The following SMAP1 variants were observed in gnomAD, a reference collection of about 807,000 sequenced individuals.
The protein encoded by SMAP1 is small ArfGAP 1.
In SMAP1, 24 loss-of-function variants were observed where a neutral mutation model predicts 58.5. That is an observed-to-expected ratio of 0.41 (90% confidence interval 0.30 to 0.58). The LOEUF (loss-of-function observed/expected upper bound fraction) is 0.58, where lower values mean the gene tolerates loss of function less well. SMAP1 is among the 20% of genes least tolerant of loss of function. SMAP1 has a pLI of 0.29. For synonymous variants in SMAP1, 216 were observed against 196.6 expected (o/e 1.10, Z -0.82); for missense variants, 563 against 566.3 (o/e 0.99, Z 0.06).
intron 1 of SMAP1, among the ~76,000 whole-genome samples, chr6:70,708,075 A>G (rs1189662993): frequency 6.6e-6 from 1 of 152,112 alleles, no homozygotes; most frequent in East Asian, 1.9e-4. Context: ...AGACTTAGCA[A>G]TCTTACATAG....
chr6:70,784,536 G>A (rs563422523), intron 4 of SMAP1, among the ~76,000 whole-genome samples: 1 of 152,270 alleles, frequency 6.6e-6, no homozygotes, highest in African/African-American at 2.4e-5. Context: ...AGACCCATCA[G>A]TGTGCTGTAT....
Position 70,858,153 on chromosome 6 carries a change from T to C in SMAP1, c.1193T>C (p.Met398Thr). 6.2e-7 allele frequency: 1 copy of C among 1,614,018 alleles called. No individual in the cohort carries two copies. The highest frequency in any genetic ancestry group is 8.5e-7 in the Non-Finnish European group (1 of 1,179,982). ...AACGTTGTTGGCCCCCAAGGAGGAA[T>C]GGTGGGACAAATGGGTGCACCCCAG... ...PQNVVGPQGG[M>T]VGQMGAPQSK... The change falls in exon 10 of 11, where the codon ATG (methionine) becomes ACG (threonine). Residue 398 changes from methionine (M) to threonine (T), a missense_variant. Coordinates refer to ENST00000370455, the MANE Select transcript of SMAP1 (RefSeq NM_001044305.3).
chr6:70,768,009 C>T (rs1443880374), intron 3 of SMAP1, among the ~76,000 whole-genome samples: 1 of 150,900 alleles, frequency 6.6e-6, no homozygotes, highest in Non-Finnish European at 1.5e-5. Context: ...TTGAGATAAT[C>T]ATGTGGTTTT....
At chr6:70,724,139 G>A (rs1344264013) in intron 1 of SMAP1, among the ~76,000 whole-genome samples, 1 of 149,356 alleles carries the variant, frequency 6.7e-6, no homozygotes, top group African/African-American at 2.5e-5. Context: ...GGGTATTTAA[G>A]GTTTTTTTTT....
At chr6:70,758,398 A>T (rs1436537609) in intron 3 of SMAP1, among the ~76,000 whole-genome samples, 1 of 146,802 alleles carries the variant, frequency 6.8e-6, no homozygotes, top group South Asian at 2.3e-4. Flanking sequence ...GAGGGATAGC[A>T]TTGGGAGATA....
intron 1 of SMAP1, among the ~76,000 whole-genome samples, chr6:70,729,454 G>T (rs7451542): frequency 1.7e-5 from 1 of 59,370 alleles, no homozygotes; most frequent in Non-Finnish European, 3.9e-5. Context: ...AAAAAAAAAA[G>T]AAGGTTGTGT....
intron 2 of SMAP1, among the ~76,000 whole-genome samples, chr6:70,739,798 C>T (rs965114293): frequency 1.3e-5 from 2 of 151,588 alleles, no homozygotes; most frequent in Non-Finnish European, 2.9e-5. Context: ...CATTTTTTTC[C>T]GTCTGCCTTT....
chr6:70,729,458 GTTGT>G (rs1392342290), intron 1 of SMAP1, among the ~76,000 whole-genome samples: 2 of 35,412 alleles, frequency 5.6e-5, no homozygotes, highest in African/African-American at 1.7e-4. Flanking sequence ...AAAAAAGAAG[GTTGT>G]GTGTGTGTGT....
intron 4 of SMAP1, 131 bp from the exon 5 acceptor site, chr6:70,791,558 A>G (rs1768353038): frequency 1.6e-6 from 1 of 624,464 alleles, no homozygotes; most frequent in South Asian, 2.4e-5. Context: ...GCATTGTTTT[A>G]CTTTATTAAC....
intron 5 of SMAP1, among the ~76,000 whole-genome samples, chr6:70,794,213 A>G (rs1297073571): frequency 1.3e-5 from 2 of 152,142 alleles, no homozygotes; most frequent in Non-Finnish European, 2.9e-5. Context: ...TAAAATATAA[A>G]ATACTGCAGT....
chr6:70,843,983 C>T (rs1375375815), intron 7 of SMAP1, among the ~76,000 whole-genome samples: 1 of 152,054 alleles, frequency 6.6e-6, no homozygotes, highest in African/African-American at 2.4e-5. Context: ...AGGACTCCTG[C>T]TGGGTTATTC....
intron 4 of SMAP1, among the ~76,000 whole-genome samples, chr6:70,787,014 A>C (rs1163887624): frequency 6.6e-6 from 1 of 152,196 alleles, no homozygotes; most frequent in African/African-American, 2.4e-5. Flanking sequence ...CCAAAAGAAC[A>C]AAGCTGGAGG....
rs68188898 is a variant in SMAP1 at position 70,858,287 on chromosome 6, C to CTT, written c.1269+85_1269+86dup. ...ATCAAACCAGATTTATTTTCTAAAT[C>CTT]TTTTTTTTTTTTTTTTTTTTTTTTT... On this transcript the variant is annotated intron_variant, in intron 10 of 10. Transcript: ENST00000370455. The CTT allele has an allele frequency of 5.1e-4, 149 of 290,608 alleles. 2 individuals are homozygous for CTT. The highest frequency in any genetic ancestry group is 2.1e-3 in the African/African-American group (49 of 23,082). 18.0% of individuals were successfully genotyped at this position (290,608 alleles called of 1,614,324 possible). A position where few individuals can be genotyped will look rare whatever the true frequency, so the allele number is the denominator to read the frequency against.
At chr6:70,779,218 CT>C (rs1767663495) in intron 4 of SMAP1, among the ~76,000 whole-genome samples, 1 of 152,202 alleles carries the variant, frequency 6.6e-6, no homozygotes, top group African/African-American at 2.4e-5. Flanking sequence ...GTGCCAGGGA[CT>C]TGGCTGCACT....
intron 1 of SMAP1, among the ~76,000 whole-genome samples, chr6:70,677,432 CTTTTTTTTTTTTT>C (rs58133069): frequency 1.2e-3 from 74 of 60,430 alleles, no homozygotes; most frequent in African/African-American, 5.4e-3. Flanking sequence ...CTTGTCACTT[CTTTTTTTTTTTTT>C]TTTTTTTTTT....
intron 3 of SMAP1, among the ~76,000 whole-genome samples, chr6:70,765,470 AAAC>A (rs1242149864): frequency 3.3e-5 from 5 of 152,208 alleles, no homozygotes; most frequent in African/African-American, 1.2e-4. Flanking sequence ...AGACTAGTAA[AAAC>A]AAGTGAGATA....
At chr6:70,787,818 G>T (rs1463731258) in intron 4 of SMAP1, among the ~76,000 whole-genome samples, 1 of 151,648 alleles carries the variant, frequency 6.6e-6, no homozygotes, top group Non-Finnish European at 1.5e-5. Context: ...TGGAGAGGAT[G>T]TGGAGAAATA....
At chr6:70,723,051 AG>A (rs1190434335) in intron 1 of SMAP1, among the ~76,000 whole-genome samples, 2 of 152,226 alleles carry the variant, frequency 1.3e-5, no homozygotes, top group African/African-American at 4.8e-5. Context: ...AACATTTCTG[AG>A]TAAACTTTTA....
At chr6:70,721,193 C>G (rs1768510698) in intron 1 of SMAP1, among the ~76,000 whole-genome samples, 3 of 152,138 alleles carry the variant, frequency 2.0e-5, no homozygotes, top group South Asian at 4.1e-4. Context: ...TGCTCTGCTT[C>G]CCTTATAAAA....
Sources: gnomAD v4.1 joint callset for allele counts (sites outside exome capture counted in the v4.1 genomes callset) on GRCh38, gnomAD v4.1.1 for gene constraint, MANE v1.5 for transcripts, NCBI Gene and HGNC (gene_info 2026-07-23, HGNC 2026-07-21) for gene names.